SLC14A2: variants seen among roughly 807,000 people sequenced by gnomAD.
SLC14A2 encodes the protein solute carrier family 14 member 2.
SLC14A2 carries 91 observed loss-of-function variants against 104.6 expected under a neutral mutation model. The observed-to-expected ratio is 0.87, with a 90% CI of 0.73 to 1.04. The LOEUF is 1.04. Among genes scored for constraint, SLC14A2 ranks in the 50% least tolerant of loss-of-function variants. The pLI, the probability that SLC14A2 is intolerant of heterozygous loss-of-function variation, is 0.00. For missense variants in SLC14A2, 1,189 were observed against 1,156.0 expected (o/e 1.03, Z -0.41); for synonymous variants, 476 against 466.4 (o/e 1.02, Z -0.27).
chr18:45,392,725 G>C (rs1598749838), intron 1 of SLC14A2, among the ~76,000 whole-genome samples: 1 of 152,132 alleles, frequency 6.6e-6, no homozygotes, highest in Non-Finnish European at 1.5e-5. Flanking sequence ...CAACTAGGAA[G>C]TTCAATCTTT....
intron 1 of SLC14A2, among the ~76,000 whole-genome samples, chr18:45,332,239 T>A (rs1185967424): frequency 6.6e-6 from 1 of 152,216 alleles, no homozygotes; most frequent in Admixed American, 6.5e-5. Flanking sequence ...ATCTGTAGAT[T>A]CAACCAACTG....
chr18:45,287,346 A>G (rs1053611300), intron 1 of SLC14A2, among the ~76,000 whole-genome samples: 1 of 152,234 alleles, frequency 6.6e-6, no homozygotes, highest in Non-Finnish European at 1.5e-5. Flanking sequence ...ATTGTCACCC[A>G]CGTCAGCTCA....
intron 5 of SLC14A2, among the ~76,000 whole-genome samples, chr18:45,636,135 G>A (rs1276953218): frequency 2.0e-5 from 3 of 152,236 alleles, no homozygotes; most frequent in African/African-American, 7.2e-5. Context: ...GTTAACTGGT[G>A]AGGGATGTGT....
Position 45,597,126 on chromosome 18 carries a change from T to C in SLC14A2, c.-34-27505T>C, listed in dbSNP as rs185208141. On this transcript the variant is annotated intron_variant, in intron 2 of 20. Coordinates refer to the SLC14A2 transcript ENST00000586448. ...TGAGGTCAGGAGTTCGAGACCAGCC[T>C]GGCCAACATGGTAAAACATGGTAAA... Among the ~76,000 whole-genome samples the C allele has an allele frequency of 8.5e-5, 13 of 152,338 alleles. No homozygotes were observed. In the East Asian group the frequency reaches 2.3e-3, roughly 27 times the overall value.
intron 1 of SLC14A2, among the ~76,000 whole-genome samples, chr18:45,252,569 C>T (rs2084434185): frequency 6.6e-6 from 1 of 152,192 alleles, no homozygotes; most frequent in African/African-American, 2.4e-5. Flanking sequence ...AAAAACAAAA[C>T]TCTCTTCACT....
At chr18:45,270,209 T>G (rs991772797) in intron 1 of SLC14A2, among the ~76,000 whole-genome samples, 1 of 152,176 alleles carries the variant, frequency 6.6e-6, no homozygotes, top group African/African-American at 2.4e-5. Flanking sequence ...AGCTACTCAC[T>G]AATGTACTCT....
chr18:45,238,229 T>C (rs1010938895), intron 1 of SLC14A2, among the ~76,000 whole-genome samples: 1 of 152,222 alleles, frequency 6.6e-6, no homozygotes, highest in East Asian at 1.9e-4. Context: ...TTCATTCTTA[T>C]AACAGGCTTT....
Position 45,624,586 on chromosome 18 carries a change from G to A in SLC14A2, c.-34-45G>A, listed in dbSNP as rs568319923. 4.9e-4 allele frequency: 723 copies of A among 1,469,934 alleles called. 8 individuals are homozygous for A. In the South Asian group the frequency reaches 5.8e-3, roughly 12 times the overall value. 91.1% of individuals were successfully genotyped at this position (1,469,934 alleles called of 1,614,324 possible). A position where few individuals can be genotyped will look rare whatever the true frequency, so the allele number is the denominator to read the frequency against. On this transcript the variant is annotated intron_variant, in intron 1 of 19. Transcript: ENST00000255226. ...GTCCAGCCTCAGCCAAGTCCCTCTG[G>A]GCCCCGTCCTGACTCACTAGCTCTT...
chr18:45,393,749 T>G (rs1238065544), intron 1 of SLC14A2, among the ~76,000 whole-genome samples: 1 of 152,184 alleles, frequency 6.6e-6, no homozygotes, highest in Non-Finnish European at 1.5e-5. Context: ...GCAGGCTGGA[T>G]GCACAACAAT....
chr18:45,567,585 C>T (rs768344463), intron 2 of SLC14A2, among the ~76,000 whole-genome samples: 10 of 152,118 alleles, frequency 6.6e-5, no homozygotes, highest in Non-Finnish European at 1.5e-4. Flanking sequence ...TCTGAAAAAG[C>T]TAACCTGTGT....
upstream of SLC14A2, among the ~76,000 whole-genome samples, chr18:45,612,934 C>G (rs765620820): frequency 3.3e-5 from 5 of 152,256 alleles, no homozygotes; most frequent in Non-Finnish European, 5.9e-5. Context: ...GCTTCCCCTT[C>G]TTCTGCCATG....
At chr18:45,611,187 C>A (rs1431168703), upstream of SLC14A2, among the ~76,000 whole-genome samples, 1 of 152,124 alleles carries the variant, frequency 6.6e-6, no homozygotes, top group African/African-American at 2.4e-5. Context: ...TATCCTTTTC[C>A]CCACCAGGAA....
intron 1 of SLC14A2, among the ~76,000 whole-genome samples, chr18:45,277,623 G>T (rs2084716159): frequency 6.6e-6 from 1 of 152,008 alleles, no homozygotes; most frequent in South Asian, 2.1e-4. Context: ...TGCTCAGGCT[G>T]GTCTTAAACT....
intron 1 of SLC14A2, among the ~76,000 whole-genome samples, chr18:45,298,717 C>T (rs2084939852): frequency 6.6e-6 from 1 of 152,192 alleles, no homozygotes; most frequent in South Asian, 2.1e-4. Flanking sequence ...AATAAAGATA[C>T]CCAATTTAAA....
chr18:45,455,703 T>C (rs2086932374), intron 1 of SLC14A2, among the ~76,000 whole-genome samples: 1 of 152,112 alleles, frequency 6.6e-6, no homozygotes. Flanking sequence ...TCTTCTGTTT[T>C]AGACATTGGG....
At chr18:45,224,484 G>A (rs1247187891) in intron 1 of SLC14A2, among the ~76,000 whole-genome samples, 3 of 152,198 alleles carry the variant, frequency 2.0e-5, no homozygotes, top group Admixed American at 2.0e-4. Flanking sequence ...TATGGAGTCA[G>A]AACATGGGGC....
the SLC14A2 span, among the ~76,000 whole-genome samples, chr18:45,186,598 T>C: frequency 6.6e-6 from 1 of 152,162 alleles, no homozygotes; most frequent in African/African-American, 2.4e-5. Context: ...AAACAGAATG[T>C]CAAGGATTTT....
chr18:45,520,378 G>A (rs1207718833), intron 2 of SLC14A2, among the ~76,000 whole-genome samples: 12 of 152,134 alleles, frequency 7.9e-5, no homozygotes, highest in African/African-American at 2.7e-4. Context: ...AGGATAATGG[G>A]TGGTGCAGGC....
At chr18:45,566,362 A>G (rs937653402) in intron 2 of SLC14A2, among the ~76,000 whole-genome samples, 1 of 152,204 alleles carries the variant, frequency 6.6e-6, no homozygotes, top group Non-Finnish European at 1.5e-5. Flanking sequence ...ACTGCCTTCA[A>G]TGGAAGAAAG....
Sources: gnomAD v4.1 joint callset for allele counts (sites outside exome capture counted in the v4.1 genomes callset) on GRCh38, gnomAD v4.1.1 for gene constraint, MANE v1.5 for transcripts, NCBI Gene and HGNC (gene_info 2026-07-23, HGNC 2026-07-21) for gene names.